The following MYOF variants were observed in gnomAD, a reference collection of about 807,000 sequenced individuals.
MYOF encodes the protein fer-1-like 3, myoferlin.
Under a neutral mutation model 284.2 loss-of-function variants are expected in MYOF, and 244 were observed. That is an observed-to-expected ratio of 0.86 (90% CI 0.77 to 0.95). MYOF has a LOEUF of 0.95. Among genes scored for constraint, MYOF ranks in the 40% least tolerant of loss-of-function variants. The pLI, the probability that MYOF is intolerant of heterozygous loss-of-function variation, is 0.00. For synonymous variants in MYOF, 904 were observed against 919.7 expected, an observed-to-expected ratio of 0.98 and a Z score of 0.31; for missense variants, 2,496 against 2,560.6, an observed-to-expected ratio of 0.97 and a Z score of 0.54.
At chr10:93,443,364 C>G (rs1302674612) in intron 3 of MYOF, among the ~76,000 whole-genome samples, 1 of 152,146 alleles carries the variant, frequency 6.6e-6, no homozygotes, top group Non-Finnish European at 1.5e-5. Context: ...TTTCCTCACT[C>G]AGTTCTCAGC....
chr10:93,427,649 A>G (rs1046256108), intron 4 of MYOF, among the ~76,000 whole-genome samples: 2 of 152,082 alleles, frequency 1.3e-5, no homozygotes, highest in African/African-American at 4.8e-5. Context: ...TATGCAAACC[A>G]TAAAGTTAAA....
In MYOF at chr10:93,343,861, A is replaced by G; in HGVS notation, c.4321T>C (p.Ser1441Pro). The G allele has an allele frequency of 6.2e-7, 1 of 1,614,184 alleles. No homozygotes were observed. The highest frequency in any genetic ancestry group is 8.5e-7 in the Non-Finnish European group (1 of 1,180,002). The change falls in exon 38 of 54, where the codon TCT becomes CCT. Residue 1441 changes from serine to proline, a missense_variant. Physicochemically the swap from Ser to Pro is moderately conservative, Grantham distance 74 (BLOSUM62 -1). Around this residue, in one of 3 missense-constraint regions of MYOF, gnomAD observed 2,436 missense variants for 2,480.7 expected, o/e 0.98. Coordinates refer to ENST00000359263, the MANE Select transcript of MYOF (RefSeq NM_013451.4). ...EMEDTKPLLA[S>P]KLTEKEEEIV... ...TGATCAGCTCTGAAGCCTACCTTAG[A>G]AGCCAGTAATGGTTTGGTGTCTTCC...
intron 49 of MYOF, among the ~76,000 whole-genome samples, 178 bp downstream of exon 49, chr10:93,319,694 T>C (rs1371078474): frequency 1.3e-5 from 2 of 152,086 alleles, no homozygotes; most frequent in Non-Finnish European, 2.9e-5. Flanking sequence ...ATGACACAAA[T>C]ACCTGTCCTA....
chr10:93,426,105 A>G lies in MYOF; in HGVS notation c.399T>C (p.Asn133=). Residue 133 remains asparagine, a synonymous_variant, in exon 5 of 54, where the codon AAT becomes AAC. Transcript: ENST00000359263. ...CTGGCACGCTGGGCCCGCTCAGGTC[A>G]TTTGGATGTGGAGCAGAAGGCGGAT... ...GYDPPSAPHP[N]DLSGPSVPGM... is the part of the protein sequence containing the mutation. 6.4e-7 allele frequency: 1 copy of G among 1,561,170 alleles called. No individual in the cohort carries two copies. Among genetic ancestry groups the G allele is most frequent in the Non-Finnish European group, 8.7e-7 (1 of 1,151,668 alleles).
rs916555324 is a variant in MYOF at position 93,370,314 on chromosome 10, A to ATTTT, written c.2458-542_2458-539dup. On this transcript the variant is annotated intron_variant, in intron 24 of 53. Transcript: ENST00000359263. ...GTTGATCAAGCAGTAATGATTACTA[A>ATTTT]TTTTTTTTTTTTTTTTTTTTTGAGA... Among the ~76,000 whole-genome samples the ATTTT allele has an allele frequency of 3.4e-3, 417 of 122,334 alleles. 8 individuals carry two copies. The highest frequency in any genetic ancestry group is 0.011 in the East Asian group (41 of 3,902). The allele number at this position is 122,334 out of a possible 152,430, so 80.3% of individuals were successfully genotyped here.
intron 2 of MYOF, among the ~76,000 whole-genome samples, chr10:93,453,917 T>TGA (rs2056665487): frequency 6.6e-6 from 1 of 151,994 alleles, no homozygotes; most frequent in East Asian, 1.9e-4. Flanking sequence ...GCGCAGTGGC[T>TGA]CATGCCTGTA....
At chr10:93,452,748 A>G (rs2056630864) in intron 2 of MYOF, among the ~76,000 whole-genome samples, 2 of 152,200 alleles carry the variant, frequency 1.3e-5, no homozygotes, top group South Asian at 4.1e-4. Flanking sequence ...AATGCAGGGT[A>G]TATGTGAAAA....
At chr10:93,400,853 G>GTT (rs551007757) in intron 12 of MYOF, among the ~76,000 whole-genome samples, 216 of 113,908 alleles carry the variant, frequency 1.9e-3, no homozygotes, top group Middle Eastern at 5.7e-3. Context: ...TGCTCAGCAT[G>GTT]TTTTTTTTTT....
At chr10:93,387,992 A>G in intron 18 of MYOF, 79 bp from the exon 19 acceptor site, 2 of 1,138,296 alleles carry the variant, frequency 1.8e-6, no homozygotes, top group Non-Finnish European at 2.6e-6. Context: ...AGGCTAATAC[A>G]ACTGCAAAAA....
intron 1 of MYOF, among the ~76,000 whole-genome samples, chr10:93,462,511 G>A (rs1340521212): frequency 1.3e-5 from 2 of 152,104 alleles, no homozygotes; most frequent in African/African-American, 4.8e-5. Context: ...ACAGGGCTAG[G>A]ACGAAGCCCT....
intron 20 of MYOF, 48 bp from the exon 21 acceptor site, chr10:93,380,035 A>G (rs1259987601): frequency 6.3e-7 from 1 of 1,587,706 alleles, no homozygotes; most frequent in Non-Finnish European, 8.6e-7. Flanking sequence ...CTTAAAATAG[A>G]CAGCATGTTT....
Position 93,382,815 on chromosome 10 carries a change from C to T in MYOF, c.1699-1419G>A, listed in dbSNP as rs181514835. Among the ~76,000 whole-genome samples, 10 of 152,342 alleles carry T rather than the reference C, an allele frequency of 6.6e-5. No individual in the cohort carries two copies. In the East Asian group the frequency reaches 7.7e-4, roughly 12 times the overall value. On this transcript the variant is annotated intron_variant, in intron 19 of 53. Transcript: ENST00000359263. ...GTGCATTCTGCCATGCAATACGATC[C>T]GCATCCTGTGTCTATTCTAGAACTC...
chr10:93,349,375 C>T (rs1229730327), intron 36 of MYOF, among the ~76,000 whole-genome samples: 1 of 152,192 alleles, frequency 6.6e-6, no homozygotes, highest in African/African-American at 2.4e-5. Context: ...GGTCATGGCC[C>T]TATCACCCCA....
intron 1 of MYOF, among the ~76,000 whole-genome samples, chr10:93,463,026 T>G (rs1217557565): frequency 2.0e-5 from 3 of 152,162 alleles, no homozygotes; most frequent in Non-Finnish European, 4.4e-5. Flanking sequence ...CAGAGCACAC[T>G]CTGAGTGTGC....
At chr10:93,453,545 C>T (rs2056654003) in intron 2 of MYOF, among the ~76,000 whole-genome samples, 1 of 152,120 alleles carries the variant, frequency 6.6e-6, no homozygotes. Context: ...GTGATCTACC[C>T]GTCTTGGCCT....
intron 12 of MYOF, 112 bp downstream of exon 12, chr10:93,401,306 T>G (rs1018837668): frequency 3.4e-6 from 5 of 1,449,308 alleles, no homozygotes; most frequent in Non-Finnish European, 2.8e-6. Context: ...TGAAGCCCTT[T>G]CAGAAGAAAA....
intron 50 of MYOF, among the ~76,000 whole-genome samples, chr10:93,313,777 C>A (rs774942407): frequency 6.6e-6 from 1 of 151,924 alleles, no homozygotes. Flanking sequence ...GGCACACATC[C>A]GTAATCCCAG....
chr10:93,313,296 G>A, intron 50 of MYOF, 86 bp from the exon 51 acceptor site: 1 of 1,274,240 alleles, frequency 7.8e-7, no homozygotes, highest in Non-Finnish European at 1.1e-6. Flanking sequence ...CTTATCAGGA[G>A]AGAGGCACAC....
At chr10:93,367,877 C>T (rs967816645) in intron 25 of MYOF, among the ~76,000 whole-genome samples, 1 of 151,868 alleles carries the variant, frequency 6.6e-6, no homozygotes, top group African/African-American at 2.4e-5. Context: ...AAGGCAAGAG[C>T]CAGTAAAATT....
Sources: gnomAD v4.1 joint callset for allele counts (sites outside exome capture counted in the v4.1 genomes callset) on GRCh38, gnomAD v4.1.1 for gene constraint, gnomAD v4.1.1 regional missense constraint, MANE v1.5 for transcripts, NCBI Gene and HGNC (gene_info 2026-07-23, HGNC 2026-07-21) for gene names.